The following TENM2 variants were observed in gnomAD, a reference collection of about 807,000 sequenced individuals.
TENM2 encodes the protein teneurin-2.
A neutral mutation model predicts 245.2 loss-of-function variants in TENM2; 52 were observed. The ratio of observed to expected loss-of-function variants is 0.21; its 90% confidence interval spans 0.17 to 0.27. The LOEUF is 0.27. Ranked by LOEUF, TENM2 falls within the 10% of genes least tolerant of loss-of-function variation. The pLI is 1.00. For missense variants in TENM2, 3,046 were observed against 3,666.8 expected (o/e 0.83, Z 4.37); for synonymous variants, 1,363 against 1,438.9 (o/e 0.95, Z 1.19).
chr5:168,258,874 ATT>A (rs143279852), intron 27 of TENM2, among the ~76,000 whole-genome samples: 1 of 148,206 alleles, frequency 6.7e-6, no homozygotes, highest in Non-Finnish European at 1.5e-5. Context: ...TGAGTTTTAC[ATT>A]TTTTTTTTTA....
At chr5:168,016,792 G>T (rs1652701199) in intron 5 of TENM2, among the ~76,000 whole-genome samples, 1 of 152,196 alleles carries the variant, frequency 6.6e-6, no homozygotes, top group African/African-American at 2.4e-5. Flanking sequence ...CTCTGAGCAA[G>T]TTACTTCACC....
rs188579129 is a variant in TENM2 at position 167,491,398 on chromosome 5, G to A, written c.502+115925G>A. ...TCCAGTTAATTGGTGCTAAAAGCTT[G>A]TTCTTAACTTTATTCACTGATCATT... On this transcript the variant is annotated intron_variant, in intron 2 of 28. Transcript: ENST00000518659. 3.9e-5 allele frequency among the ~76,000 whole-genome samples: 6 copies of A among 152,088 alleles called. No individual in the cohort carries two copies. In the East Asian group the frequency reaches 1.2e-3, roughly 29 times the overall value.
chr5:167,698,667 G>GTTT (rs1757928488), intron 2 of TENM2, among the ~76,000 whole-genome samples: 2 of 118,670 alleles, frequency 1.7e-5, no homozygotes, highest in African/African-American at 6.6e-5. Flanking sequence ...TGTGTGTTTT[G>GTTT]TTTTGTTTTT....
chr5:167,998,116 A>G (rs142766882), intron 5 of TENM2, among the ~76,000 whole-genome samples: 1 of 152,366 alleles, frequency 6.6e-6, no homozygotes, highest in East Asian at 1.9e-4. Flanking sequence ...ATGAAAGCAT[A>G]GCTTTTAACT....
the TENM2 span, among the ~76,000 whole-genome samples, chr5:166,984,203 A>G: frequency 6.6e-6 from 1 of 152,172 alleles, no homozygotes; most frequent in Non-Finnish European, 1.5e-5. Flanking sequence ...TTGGTTCCAA[A>G]GAATAAGTCA....
chr5:167,778,657 T>TCC (rs1372495677), intron 2 of TENM2, among the ~76,000 whole-genome samples: 13 of 152,192 alleles, frequency 8.5e-5, no homozygotes, highest in Non-Finnish European at 1.8e-4. Flanking sequence ...TCCCTAGGAA[T>TCC]AAGCACAATA....
In TENM2 at chr5:167,367,413, A is replaced by G. The variant is rs550722983; in HGVS notation, c.227-7785A>G. Among the ~76,000 whole-genome samples the G allele has an allele frequency of 1.5e-4, 23 of 152,306 alleles. No individual in the cohort carries two copies. In the South Asian group the frequency reaches 2.5e-3, roughly 16 times the overall value. ...CTTAAACTTTTATGAATAATAATGC[A>G]TGTACACTTACTCTGTTGTTTTAAG... On this transcript the variant is annotated intron_variant, in intron 1 of 28. Coordinates refer to ENST00000518659, the Ensembl canonical transcript of TENM2.
At position 167,431,926 on chromosome 5, in the gene TENM2, T is replaced by TAC. The variant is rs1561950095; in HGVS notation, c.502+56455_502+56456dup. On this transcript the variant is annotated intron_variant, in intron 2 of 28. Transcript: ENST00000518659. ...GATTCCAAGGTGTGATATATATATA[T>TAC]ACATATATATATACATATATATGTA... 7.7e-4 allele frequency among the ~76,000 whole-genome samples: 71 copies of TAC among 91,988 alleles called. 1 individual carries two copies. The highest frequency in any genetic ancestry group is 2.8e-3 in the African/African-American group (70 of 25,204). 60.3% of individuals were successfully genotyped at this position (91,988 alleles called of 152,430 possible). A position where few individuals can be genotyped will look rare whatever the true frequency, so the allele number is the denominator to read the frequency against.
intron 2 of TENM2, among the ~76,000 whole-genome samples, chr5:167,549,353 C>T (rs1772780372): frequency 6.6e-6 from 1 of 151,924 alleles, no homozygotes; most frequent in South Asian, 2.1e-4. Flanking sequence ...GTACTGGCTC[C>T]AAAATGAAAA....
intron 2 of TENM2, among the ~76,000 whole-genome samples, chr5:167,443,640 T>C (rs1764989987): frequency 6.6e-6 from 1 of 152,202 alleles, no homozygotes; most frequent in Admixed American, 6.6e-5. Flanking sequence ...ATAATGAAAT[T>C]CTAAGTTTAT....
At chr5:167,475,982 A>G (rs77711550) in intron 2 of TENM2, among the ~76,000 whole-genome samples, 2 of 152,300 alleles carry the variant, frequency 1.3e-5, no homozygotes, top group East Asian at 3.9e-4. Flanking sequence ...TTTATAGTAG[A>G]AAAAAGCATA....
intron 2 of TENM2, among the ~76,000 whole-genome samples, chr5:167,551,623 T>TA (rs1490635625): frequency 6.6e-6 from 1 of 152,004 alleles, no homozygotes; most frequent in African/African-American, 2.4e-5. Context: ...CACACACACA[T>TA]ACACGCACAC....
At chr5:167,562,371 GATAATAAAT>G (rs1773649182) in intron 2 of TENM2, among the ~76,000 whole-genome samples, 11 of 152,088 alleles carry the variant, frequency 7.2e-5, no homozygotes, top group Admixed American at 7.2e-4. Context: ...TACGGACCCA[GATAATAAAT>G]AATTGCAGAA....
At chr5:167,958,219 A>G (rs1437213138) in intron 4 of TENM2, among the ~76,000 whole-genome samples, 1 of 152,138 alleles carries the variant, frequency 6.6e-6, no homozygotes, top group Non-Finnish European at 1.5e-5. Context: ...TCCCTTTACC[A>G]TTATGTAATG....
At chr5:167,029,696 C>T in the TENM2 span, among the ~76,000 whole-genome samples, 5 of 152,152 alleles carry the variant, frequency 3.3e-5, no homozygotes, top group African/African-American at 9.7e-5. Flanking sequence ...TAATTGCTGA[C>T]GTTTGTCCAG....
intron 2 of TENM2, among the ~76,000 whole-genome samples, chr5:167,441,637 G>C (rs1764887722): frequency 6.6e-6 from 1 of 152,174 alleles, no homozygotes; most frequent in Non-Finnish European, 1.5e-5. Context: ...TGCTGTTGCT[G>C]ATATGTAGTC....
At chr5:167,869,408 T>C (rs751360107) in intron 2 of TENM2, among the ~76,000 whole-genome samples, 10 of 152,202 alleles carry the variant, frequency 6.6e-5, no homozygotes, top group Non-Finnish European at 8.8e-5. Context: ...GTTCAAATCT[T>C]GATTCTTACC....
chr5:167,969,445 T>C (rs780001927), intron 4 of TENM2, among the ~76,000 whole-genome samples: 14 of 152,212 alleles, frequency 9.2e-5, no homozygotes, highest in African/African-American at 1.4e-4. Context: ...TGTAAGTCCA[T>C]TAAACCTCTT....
the TENM2 span, among the ~76,000 whole-genome samples, chr5:166,979,609 A>G: frequency 6.6e-6 from 1 of 151,798 alleles, no homozygotes; most frequent in Non-Finnish European, 1.5e-5. Context: ...GTTGCTCCTC[A>G]TTCTGCAATC....
Sources: gnomAD v4.1 joint callset for allele counts (sites outside exome capture counted in the v4.1 genomes callset) on GRCh38, gnomAD v4.1.1 for gene constraint, MANE v1.5 for transcripts, NCBI Gene and HGNC (gene_info 2026-07-23, HGNC 2026-07-21) for gene names.